Variants in LRP1B observed in about 807,000 individuals in gnomAD.
The protein encoded by LRP1B is LDL receptor related protein 1B.
LRP1B carries 217 observed loss-of-function variants against 556.6 expected under a neutral mutation model. The observed-to-expected ratio is 0.39, with a 90% confidence interval of 0.35 to 0.44. The LOEUF is 0.44. Ranked by LOEUF, LRP1B falls within the 20% of genes least tolerant of loss-of-function variation. The probability of loss-of-function intolerance (pLI) is 1.00; values close to 1 mark genes in which losing one functional copy is unlikely to be tolerated. For missense variants in LRP1B, 5,053 were observed against 5,620.8 expected, an observed-to-expected ratio of 0.90 and a Z score of 3.23; for synonymous variants, 2,047 against 1,865.8, an observed-to-expected ratio of 1.10 and a Z score of -2.50.
At chr2:141,680,941 G>A (rs1691078914) in intron 2 of LRP1B, among the ~76,000 whole-genome samples, 1 of 152,052 alleles carries the variant, frequency 6.6e-6, no homozygotes, top group Non-Finnish European at 1.5e-5. Context: ...AGAAAATGGT[G>A]CGTTGCATTT....
intron 41 of LRP1B, among the ~76,000 whole-genome samples, chr2:140,603,376 C>A (rs1156435575): frequency 6.6e-6 from 1 of 152,028 alleles, no homozygotes; most frequent in Non-Finnish European, 1.5e-5. Flanking sequence ...TAATAAATCA[C>A]CTTTGCCAGT....
At chr2:141,764,241 G>C (rs544154072) in intron 2 of LRP1B, among the ~76,000 whole-genome samples, 2 of 152,030 alleles carry the variant, frequency 1.3e-5, no homozygotes, top group East Asian at 1.9e-4. Context: ...AGTGCAGTGG[G>C]GCGATCTCGG....
chr2:140,421,037 C>T (rs2105265719), intron 66 of LRP1B, among the ~76,000 whole-genome samples: 3 of 152,256 alleles, frequency 2.0e-5, no homozygotes, highest in South Asian at 4.1e-4. Context: ...GGGTGGATCA[C>T]CTCCGGTCAG....
chr2:140,826,719 C>A (rs1207311990), intron 31 of LRP1B, among the ~76,000 whole-genome samples: 3 of 152,116 alleles, frequency 2.0e-5, no homozygotes, highest in Admixed American at 2.0e-4. Flanking sequence ...GCTTCCCTAG[C>A]ATCTTGGATC....
At chr2:141,831,030 T>G (rs79089797) in intron 1 of LRP1B, among the ~76,000 whole-genome samples, 1,651 of 151,896 alleles carry the variant, frequency 0.011, 11 homozygotes, top group Non-Finnish European at 0.017. Flanking sequence ...TCTTATGAAA[T>G]TCCCTTTAGT....
chr2:140,324,878 T>C (rs1050340084), intron 80 of LRP1B, among the ~76,000 whole-genome samples: 4 of 149,992 alleles, frequency 2.7e-5, no homozygotes, highest in African/African-American at 9.9e-5. Flanking sequence ...AACTTTTTTT[T>C]TTTTTTTCCA....
intron 3 of LRP1B, among the ~76,000 whole-genome samples, chr2:141,325,872 C>T (rs769001048): frequency 2.6e-5 from 4 of 152,044 alleles, no homozygotes; most frequent in Non-Finnish European, 5.9e-5. Context: ...AGATGAGTCT[C>T]ACTGGATTGA....
chr2:142,068,154 C>A (rs1705177668), intron 1 of LRP1B, among the ~76,000 whole-genome samples: 1 of 151,420 alleles, frequency 6.6e-6, no homozygotes, highest in Non-Finnish European at 1.5e-5. Context: ...ACAGAATCTC[C>A]AAAATTTGGT....
At chr2:140,329,408 G>T (rs1168376984) in intron 79 of LRP1B, among the ~76,000 whole-genome samples, 1 of 152,074 alleles carries the variant, frequency 6.6e-6, no homozygotes, top group African/African-American at 2.4e-5. Flanking sequence ...AATCAGGCAA[G>T]AGAAAGAAAT....
intron 2 of LRP1B, among the ~76,000 whole-genome samples, chr2:141,722,408 T>G (rs1357859231): frequency 1.3e-5 from 2 of 151,978 alleles, no homozygotes; most frequent in African/African-American, 4.8e-5. Flanking sequence ...AGAGTCTCAG[T>G]CCCTTCATGC....
chr2:140,687,892 C>T (rs1420165963), intron 41 of LRP1B, among the ~76,000 whole-genome samples: 3 of 152,118 alleles, frequency 2.0e-5, no homozygotes, highest in East Asian at 1.9e-4. Flanking sequence ...AGGTGATCTA[C>T]TGTTTTCTTA....
intron 1 of LRP1B, among the ~76,000 whole-genome samples, chr2:141,981,417 G>A (rs375601774): frequency 3.6e-4 from 55 of 152,190 alleles, no homozygotes; most frequent in African/African-American, 1.2e-3. Context: ...AAATGGGTCT[G>A]AAAGAAGTTA....
chr2:140,335,761 T>C lies in LRP1B; in HGVS notation c.11970A>G (p.Arg3990=), dbSNP rs2105086852. Residue 3990 remains arginine (R), a synonymous_variant, in exon 78 of 91, where the codon AGA becomes AGG. Coordinates refer to ENST00000389484, the MANE Select transcript of LRP1B (RefSeq NM_018557.3). ...AGNIYWTDHS[R]MHWFSYYTTH... ...TAGTGTAGTAACTGAACCAATGCAT[T>C]CTAGAATGATCAGTCCAGTAAATGT... is the stretch of plus-strand genomic sequence containing the variant. The C allele has an allele frequency of 6.2e-7, 1 of 1,612,858 alleles. No individual in the cohort carries two copies. Among genetic ancestry groups the C allele is most frequent in the Non-Finnish European group, 8.5e-7 (1 of 1,179,258 alleles).
At chr2:140,525,170 T>C (rs1449426467) in intron 49 of LRP1B, among the ~76,000 whole-genome samples, 1 of 151,774 alleles carries the variant, frequency 6.6e-6, no homozygotes, top group Non-Finnish European at 1.5e-5. Context: ...GGCAAACCAA[T>C]ATGAGACAAA....
chr2:140,983,607 C>T (rs910027987), intron 17 of LRP1B, among the ~76,000 whole-genome samples: 5 of 152,044 alleles, frequency 3.3e-5, no homozygotes, highest in Non-Finnish European at 7.4e-5. Flanking sequence ...GAAAAGTGCA[C>T]TTGCAGTGTT....
intron 1 of LRP1B, among the ~76,000 whole-genome samples, chr2:141,939,070 T>G (rs762646262): frequency 1.3e-5 from 2 of 152,016 alleles, no homozygotes; most frequent in Admixed American, 6.6e-5. Flanking sequence ...TAGAGATCAA[T>G]GTACAGCCTG....
intron 7 of LRP1B, among the ~76,000 whole-genome samples, chr2:141,113,510 A>G (rs1700805820): frequency 6.6e-6 from 1 of 152,148 alleles, no homozygotes; most frequent in South Asian, 2.1e-4. Flanking sequence ...AGTTTGTACA[A>G]CTGCTTAGTT....
At chr2:141,402,896 G>A (rs984053870) in intron 3 of LRP1B, among the ~76,000 whole-genome samples, 1 of 152,008 alleles carries the variant, frequency 6.6e-6, no homozygotes, top group African/African-American at 2.4e-5. Flanking sequence ...ACATTTGGAT[G>A]AGAACTCCTC....
intron 2 of LRP1B, among the ~76,000 whole-genome samples, chr2:141,533,088 C>T (rs918022677): frequency 6.6e-6 from 1 of 152,276 alleles, no homozygotes; most frequent in East Asian, 1.9e-4. Context: ...GCTTCCTCTC[C>T]TCCATCAGAG....
Sources: gnomAD v4.1 joint callset for allele counts (sites outside exome capture counted in the v4.1 genomes callset) on GRCh38, gnomAD v4.1.1 for gene constraint, MANE v1.5 for transcripts, NCBI Gene and HGNC (gene_info 2026-07-23, HGNC 2026-07-21) for gene names.